EXOC6B: variants seen among roughly 807,000 people sequenced by gnomAD.
EXOC6B encodes SEC15 homolog B.
In EXOC6B, 54 loss-of-function variants were observed where a neutral mutation model predicts 113.5. The observed-to-expected ratio is 0.48, with a 90% CI of 0.38 to 0.60. EXOC6B has a LOEUF of 0.60. EXOC6B is among the 20% of genes least tolerant of loss of function. The pLI, the probability that EXOC6B is intolerant of heterozygous loss-of-function variation, is 0.00. For missense variants in EXOC6B, 797 were observed against 977.5 expected, an observed-to-expected ratio of 0.82 and a Z score of 2.46; for synonymous variants, 357 against 339.0, an observed-to-expected ratio of 1.05 and a Z score of -0.58.
At chr2:72,275,761 T>C (rs1039724391) in intron 20 of EXOC6B, among the ~76,000 whole-genome samples, 1 of 152,174 alleles carries the variant, frequency 6.6e-6, no homozygotes, top group Non-Finnish European at 1.5e-5. Context: ...GAGTTCAAGG[T>C]AACACCTCAC....
chr2:72,747,183 C>T (rs1558969648), intron 1 of EXOC6B, among the ~76,000 whole-genome samples: 2 of 152,008 alleles, frequency 1.3e-5, no homozygotes, highest in Admixed American at 1.3e-4. Flanking sequence ...TATTTCTGTC[C>T]TACCACAAAG....
chr2:72,473,575 T>A (rs989994468), intron 17 of EXOC6B, among the ~76,000 whole-genome samples: 1 of 152,146 alleles, frequency 6.6e-6, no homozygotes, highest in Non-Finnish European at 1.5e-5. Context: ...TAAAGGTAAA[T>A]TATGTTTCTT....
intron 16 of EXOC6B, among the ~76,000 whole-genome samples, chr2:72,484,880 A>G (rs1032256190): frequency 6.6e-6 from 1 of 152,168 alleles, no homozygotes; most frequent in Admixed American, 6.5e-5. Flanking sequence ...TGACTTTGCT[A>G]CTGTAAATAG....
At chr2:72,525,278 T>A (rs1234673696) in intron 8 of EXOC6B, among the ~76,000 whole-genome samples, 1 of 152,206 alleles carries the variant, frequency 6.6e-6, no homozygotes, top group Admixed American at 6.5e-5. Flanking sequence ...ACAAAGAGTC[T>A]TTTATTATCA....
intron 20 of EXOC6B, among the ~76,000 whole-genome samples, chr2:72,203,607 T>G (rs1043671655): frequency 6.6e-6 from 1 of 152,200 alleles, no homozygotes; most frequent in East Asian, 1.9e-4. Flanking sequence ...CTATATTCCC[T>G]GAATGAGCCT....
At chr2:72,707,521 C>T (rs1254702189) in intron 6 of EXOC6B, among the ~76,000 whole-genome samples, 1 of 151,606 alleles carries the variant, frequency 6.6e-6, no homozygotes, top group African/African-American at 2.4e-5. Flanking sequence ...TCAAGCGATT[C>T]TCCTGCCTCA....
intron 18 of EXOC6B, among the ~76,000 whole-genome samples, chr2:72,432,390 G>C (rs1260787632): frequency 1.3e-5 from 2 of 152,134 alleles, no homozygotes; most frequent in East Asian, 3.9e-4. Context: ...AAACATACAT[G>C]TACATGTGTC....
chr2:72,328,045 T>G (rs1277184900), intron 20 of EXOC6B, among the ~76,000 whole-genome samples: 1 of 152,110 alleles, frequency 6.6e-6, no homozygotes, highest in Non-Finnish European at 1.5e-5. Flanking sequence ...ATGGTGTTCC[T>G]TCTTCTATTT....
intron 18 of EXOC6B, among the ~76,000 whole-genome samples, chr2:72,403,843 G>A (rs1398530179): frequency 6.6e-6 from 1 of 152,164 alleles, no homozygotes; most frequent in Non-Finnish European, 1.5e-5. Context: ...ATCTCAGTGG[G>A]GGGTGTCAGA....
chr2:72,360,216 T>C (rs1189363049), intron 19 of EXOC6B, among the ~76,000 whole-genome samples: 1 of 151,692 alleles, frequency 6.6e-6, no homozygotes, highest in African/African-American at 2.4e-5. Context: ...GCCTCCCACG[T>C]AGCTGGGACC....
chr2:72,700,716 C>T (rs1678259097), intron 6 of EXOC6B, among the ~76,000 whole-genome samples: 1 of 152,214 alleles, frequency 6.6e-6, no homozygotes, highest in South Asian at 2.1e-4. Context: ...GTAATGCCAG[C>T]ACTTTGGGAG....
intron 1 of EXOC6B, among the ~76,000 whole-genome samples, chr2:72,806,499 G>T (rs1685582687): frequency 6.6e-6 from 1 of 152,170 alleles, no homozygotes; most frequent in African/African-American, 2.4e-5. Flanking sequence ...ACATACAAGT[G>T]CCTGTGTCTT....
Position 72,683,927 on chromosome 2 carries a change from TTTAC to T in EXOC6B, c.669+34172_669+34175del, listed in dbSNP as rs1289550088. On this transcript the variant is annotated intron_variant, in intron 6 of 21. Coordinates refer to ENST00000272427, the MANE Select transcript of EXOC6B (RefSeq NM_015189.3). ...TAATTCTCTATCTAGGCCACTGCAA[TTTAC>T]TTACTTACTTATTTATTTGAGACAG... 3.3e-5 allele frequency among the ~76,000 whole-genome samples: 5 copies of T among 152,130 alleles called. No individual in the cohort carries two copies. In the East Asian group the frequency reaches 7.7e-4, roughly 23 times the overall value.
chr2:72,213,274 C>T lies in EXOC6B; in HGVS notation c.2197-29087G>A, dbSNP rs559645126. ...TCATGAGAGATGCTAGCTAATACCA[C>T]GTAAAACTGCCTAGCTGAGCCCTGG... On this transcript the variant is annotated intron_variant, in intron 20 of 21. Coordinates refer to ENST00000272427, the MANE Select transcript of EXOC6B (RefSeq NM_015189.3). 1.2e-4 allele frequency among the ~76,000 whole-genome samples: 19 copies of T among 152,328 alleles called. No individual in the cohort carries two copies. In the South Asian group the frequency reaches 2.3e-3, roughly 18 times the overall value.
intron 6 of EXOC6B, among the ~76,000 whole-genome samples, chr2:72,656,387 C>T (rs1674576775): frequency 6.6e-6 from 1 of 151,706 alleles, no homozygotes; most frequent in Non-Finnish European, 1.5e-5. Flanking sequence ...AGGAGAATAA[C>T]TAATTGTAAA....
intron 1 of EXOC6B, among the ~76,000 whole-genome samples, chr2:72,765,904 T>A (rs1268072020): frequency 6.6e-6 from 1 of 152,168 alleles, no homozygotes; most frequent in Non-Finnish European, 1.5e-5. Flanking sequence ...TTGACAGTTT[T>A]AGAGAATCCC....
At chr2:72,356,485 T>C (rs969583324) in intron 19 of EXOC6B, among the ~76,000 whole-genome samples, 1 of 152,078 alleles carries the variant, frequency 6.6e-6, no homozygotes, top group African/African-American at 2.4e-5. Context: ...TGTGCTATGA[T>C]TGCCCTTGTG....
chr2:72,542,244 T>C (rs762263840), intron 8 of EXOC6B, among the ~76,000 whole-genome samples: 1 of 152,190 alleles, frequency 6.6e-6, no homozygotes, highest in Non-Finnish European at 1.5e-5. Context: ...TAACCCAGAA[T>C]TCTAGATTTT....
chr2:72,824,486 CA>C (rs1325153225), intron 1 of EXOC6B, among the ~76,000 whole-genome samples: 2 of 152,046 alleles, frequency 1.3e-5, no homozygotes, highest in African/African-American at 4.8e-5. Context: ...TAGTTATGAC[CA>C]GGGGTGGTAC....
Sources: allele counts gnomAD v4.1 joint callset (sites outside exome capture counted in the v4.1 genomes callset), GRCh38; gene constraint gnomAD v4.1.1; transcripts MANE v1.5; gene names NCBI Gene and HGNC (gene_info 2026-07-23, HGNC 2026-07-21).